The following CNDP1 variants were observed in gnomAD, a reference collection of about 807,000 sequenced individuals.
CNDP1 encodes beta-Ala-His dipeptidase.
A neutral mutation model predicts 58.1 loss-of-function variants in CNDP1; 44 were observed. That is an observed-to-expected ratio of 0.76 (90% CI 0.60 to 0.97). The LOEUF (loss-of-function observed/expected upper bound fraction) is 0.97, where lower values mean the gene tolerates loss of function less well. Among genes scored for constraint, CNDP1 ranks in the 50% least tolerant of loss-of-function variants. CNDP1 has a pLI of 0.00. For synonymous variants in CNDP1, 254 were observed against 252.6 expected (o/e 1.01, Z -0.05); for missense variants, 616 against 655.1 (o/e 0.94, Z 0.65).
intron 1 of CNDP1, among the ~76,000 whole-genome samples, chr18:74,540,527 G>A (rs532760008): frequency 6.6e-6 from 1 of 152,292 alleles, no homozygotes; most frequent in South Asian, 2.1e-4. Flanking sequence ...CTGGCCCCCT[G>A]TATGTGACAT....
intron 1 of CNDP1, among the ~76,000 whole-genome samples, chr18:74,554,644 A>G (rs2144650813): frequency 6.6e-6 from 1 of 152,280 alleles, no homozygotes; most frequent in Non-Finnish European, 1.5e-5. Flanking sequence ...ACACATGGGA[A>G]GTGATGGAGG....
chr18:74,579,051 C>T (rs546655257), intron 9 of CNDP1, among the ~76,000 whole-genome samples: 2 of 152,166 alleles, frequency 1.3e-5, no homozygotes, highest in Admixed American at 1.3e-4. Flanking sequence ...CTTGTTAGCA[C>T]TAATTACATT....
intron 5 of CNDP1, among the ~76,000 whole-genome samples, chr18:74,564,530 A>G (rs910306371): frequency 1.3e-5 from 2 of 152,212 alleles, no homozygotes; most frequent in African/African-American, 4.8e-5. Context: ...AGGCTTAACA[A>G]TCTTTCAAAG....
At chr18:74,554,848 T>A (rs1599091079) in intron 1 of CNDP1, among the ~76,000 whole-genome samples, 1 of 151,872 alleles carries the variant, frequency 6.6e-6, no homozygotes, top group Non-Finnish European at 1.5e-5. Context: ...TTGTGGAGGG[T>A]GGATTAGAGG....
In CNDP1 at chr18:74,544,483, G is replaced by A. The variant is rs151190639; in HGVS notation, c.24+9792G>A. Reference sequence around the variant, plus strand: ...TGTAATCCCAGCACTTTGGGAGGCCGAAGCAGGTGGATCACCTGAGGTCAG... The same window carrying A: ...TGTAATCCCAGCACTTTGGGAGGCCAAAGCAGGTGGATCACCTGAGGTCAG... On this transcript the variant is annotated intron_variant, in intron 1 of 11. Transcript: ENST00000358821. 4.0e-3 allele frequency among the ~76,000 whole-genome samples: 613 copies of A among 152,108 alleles called. 4 individuals carry two copies. Among genetic ancestry groups the A allele is most frequent in the African/African-American group, 0.013 (554 of 41,498 alleles).
At chr18:74,556,561 T>C in intron 2 of CNDP1, 95 bp downstream of exon 2, 1 of 1,487,718 alleles carries the variant, frequency 6.7e-7, no homozygotes, top group East Asian at 2.3e-5. Flanking sequence ...GATGTGGATT[T>C]TTTTGCCTAA....
Position 74,567,410 on chromosome 18 carries a change from G to C in CNDP1, c.733G>C (p.Gly245Arg), listed in dbSNP as rs202228025. 6.2e-7 allele frequency: 1 copy of C among 1,613,980 alleles called. No individual in the cohort carries two copies. Among genetic ancestry groups the C allele is most frequent in the East Asian group, 2.2e-5 (1 of 44,882 alleles). The change falls in exon 6 of 12, where the codon GGG (glycine) becomes CGG (arginine). Residue 245 changes from glycine to arginine, a missense_variant. Gly to Arg is a moderately radical substitution (Grantham distance 125). Coordinates refer to ENST00000358821, the MANE Select transcript of CNDP1 (RefSeq NM_032649.6). ...GCCAGCAATCACTTACGGAACCCGGGGGAACAGCTACTTCATGGTGGAGGT... is the reference window on the plus strand; with the variant it reads ...GCCAGCAATCACTTACGGAACCCGGCGGAACAGCTACTTCATGGTGGAGGT... ...RKPAITYGTR[G>R]NSYFMVEVKC...
Position 74,547,400 on chromosome 18 carries a change from G to C in CNDP1, c.25-8938G>C, listed in dbSNP as rs566428260. Among the ~76,000 whole-genome samples the C allele has an allele frequency of 1.0e-3, 157 of 152,324 alleles. 2 individuals carry two copies. Among genetic ancestry groups the C allele is most frequent in the Middle Eastern group, 0.01 (3 of 294 alleles). On this transcript the variant is annotated intron_variant, in intron 1 of 11. Transcript: ENST00000358821. ...CACCAAGGACCCACCCTTGGCCTGA[G>C]GCTTTGTGGGGGGTGGAGGCAAGAG...
chr18:74,534,512 C>A lies in CNDP1; in HGVS notation c.-156C>A. On this transcript the variant is annotated 5_prime_UTR_variant, in exon 1 of 12. Transcript: ENST00000358821. ...CGCTTTGTTCTCCAGATGTGAATAG[C>A]TCCACTATACCAGCCTCGTCTTCCT... 1.4e-6 allele frequency: 1 copy of A among 711,654 alleles called. No individual in the cohort carries two copies. The highest frequency in any genetic ancestry group is 2.5e-6 in the Non-Finnish European group (1 of 404,594). 44.1% of individuals were successfully genotyped at this position (711,654 alleles called of 1,614,324 possible). A position where few individuals can be genotyped will look rare whatever the true frequency, so the allele number is the denominator to read the frequency against.
In CNDP1 at chr18:74,584,530, G is replaced by C; in HGVS notation, c.1492G>C (p.Ala498Pro). The C allele has an allele frequency of 6.2e-7, 1 of 1,613,868 alleles. No individual in the cohort carries two copies. Among genetic ancestry groups the C allele is most frequent in the Non-Finnish European group, 8.5e-7 (1 of 1,179,796 alleles). The change falls in exon 12 of 12, where the codon GCC becomes CCC. Residue 498 changes from alanine (A) to proline (P), a missense_variant. Ala to Pro is a conservative substitution (Grantham distance 27). Transcript: ENST00000358821. ...NYIEGTKLFAAFFLEMAQLH is the reference protein window; with the variant it reads ...NYIEGTKLFAPFFLEMAQLH ...CATAGAGGGAACCAAATTATTTGCT[G>C]CCTTTTTCTTAGAGATGGCCCAGCT...
At chr18:74,540,552 A>G (rs6566813) in intron 1 of CNDP1, among the ~76,000 whole-genome samples, 148,156 of 152,268 alleles carry the variant, frequency 0.97, 72,213 homozygotes, top group Middle Eastern at 1. Context: ...GGGAATGGCA[A>G]CAGCTCTCTT....
intron 1 of CNDP1, among the ~76,000 whole-genome samples, chr18:74,539,315 T>C (rs1017341313): frequency 1.3e-5 from 2 of 152,296 alleles, no homozygotes; most frequent in Non-Finnish European, 2.9e-5. Flanking sequence ...TCCCAGAGCC[T>C]GGATTTCTAA....
At chr18:74,559,165 T>C (rs1981119066) in intron 2 of CNDP1, among the ~76,000 whole-genome samples, 158 bp from the exon 3 acceptor site, 1 of 152,136 alleles carries the variant, frequency 6.6e-6, no homozygotes, top group Non-Finnish European at 1.5e-5. Flanking sequence ...TCTGTTACTC[T>C]TAAATGTCAC....
At chr18:74,573,116 TCATC>T (rs1472316228) in intron 7 of CNDP1, among the ~76,000 whole-genome samples, 74 of 152,270 alleles carry the variant, frequency 4.9e-4, no homozygotes, top group African/African-American at 1.7e-3. Flanking sequence ...ATCTTTCTAT[TCATC>T]CATCCAACTA....
intron 8 of CNDP1, chr18:74,577,331 G>C (rs1981660280): frequency 4.7e-6 from 1 of 214,126 alleles, no homozygotes; most frequent in Non-Finnish European, 9.2e-6. Flanking sequence ...CCTTCAGCCA[G>C]TGAGCTGGAC....
chr18:74,555,741 G>T (rs185918547), intron 1 of CNDP1, among the ~76,000 whole-genome samples: 1 of 152,062 alleles, frequency 6.6e-6, no homozygotes, highest in Non-Finnish European at 1.5e-5. Context: ...TGGCCAGGCT[G>T]GTCTTCAACT....
intron 3 of CNDP1, 142 bp from the exon 4 acceptor site, chr18:74,560,713 GT>G (rs2144656471): frequency 3.8e-6 from 3 of 790,088 alleles, no homozygotes; most frequent in Non-Finnish European, 6.3e-6. Flanking sequence ...AAAAAAAAGT[GT>G]TTCATGGGAC....
intron 5 of CNDP1, among the ~76,000 whole-genome samples, chr18:74,562,940 T>C (rs1157264436): frequency 1.3e-5 from 2 of 152,124 alleles, no homozygotes; most frequent in Non-Finnish European, 2.9e-5. Flanking sequence ...TCTGTGAAAA[T>C]GTGTGCACTC....
Position 74,584,516 on chromosome 18 carries a change from C to T in CNDP1, c.1478C>T (p.Thr493Ile). The change falls in exon 12 of 12, where the codon ACC becomes ATC. Residue 493 changes from threonine (T) to isoleucine (I), a missense_variant. Transcript: ENST00000358821. Reference sequence around the variant, plus strand: ...CTTAGGTGGAACTACATAGAGGGAACCAAATTATTTGCTGCCTTTTTCTTA... The same window carrying T: ...CTTAGGTGGAACTACATAGAGGGAATCAAATTATTTGCTGCCTTTTTCTTA... ...KINRWNYIEG[T>I]KLFAAFFLEM... 6.2e-7 allele frequency: 1 copy of T among 1,613,684 alleles called. No homozygotes were observed. The highest frequency in any genetic ancestry group is 8.5e-7 in the Non-Finnish European group (1 of 1,179,636).
Sources: gnomAD v4.1 joint callset for allele counts (sites outside exome capture counted in the v4.1 genomes callset) on GRCh38, gnomAD v4.1.1 for gene constraint, MANE v1.5 for transcripts, NCBI Gene and HGNC (gene_info 2026-07-23, HGNC 2026-07-21) for gene names.